MMP16: variants seen among roughly 807,000 people sequenced by gnomAD.
MMP16 encodes the protein matrix metalloproteinase-16.
A neutral mutation model predicts 67.8 loss-of-function variants in MMP16; 12 were observed. The observed-to-expected ratio is 0.18, with a 90% CI of 0.11 to 0.29. The LOEUF is 0.29. Ranked by LOEUF, MMP16 falls within the 10% of genes least tolerant of loss-of-function variation. The probability of loss-of-function intolerance (pLI) is 1.00; values close to 1 mark genes in which losing one functional copy is unlikely to be tolerated. For missense variants in MMP16, 475 were observed against 765.7 expected (o/e 0.62, Z 4.48); for synonymous variants, 249 against 255.9 (o/e 0.97, Z 0.26).
rs181494396 is a variant in MMP16, at chr8:88,092,498, T to C, written c.1084-17755A>G. Among the ~76,000 whole-genome samples the C allele has an allele frequency of 1.9e-3, 294 of 151,968 alleles. 2 individuals carry two copies. Among genetic ancestry groups the C allele is most frequent in the African/African-American group, 6.8e-3 (282 of 41,538 alleles). On this transcript the variant is annotated intron_variant, in intron 6 of 9. Transcript: ENST00000286614. ...TTAATGTCTCAAGTACTTATGTATA[T>C]TTATGTGATTTTTGACTGTCCTTTC...
intron 6 of MMP16, among the ~76,000 whole-genome samples, chr8:88,091,584 G>T (rs1808937810): frequency 6.6e-6 from 1 of 151,314 alleles, no homozygotes; most frequent in African/African-American, 2.4e-5. Context: ...CACACACACA[G>T]GTTTAAGATA....
At chr8:88,261,106 C>A (rs1017062269) in intron 1 of MMP16, among the ~76,000 whole-genome samples, 10 of 152,044 alleles carry the variant, frequency 6.6e-5, no homozygotes, top group African/African-American at 2.2e-4. Context: ...TGAAGATATG[C>A]CTCAAATATA....
intron 1 of MMP16, among the ~76,000 whole-genome samples, chr8:88,313,601 T>A (rs939649202): frequency 2.0e-5 from 3 of 152,226 alleles, no homozygotes; most frequent in African/African-American, 7.2e-5. Flanking sequence ...AGTTTATGTA[T>A]TTTCCATCAA....
chr8:88,127,287 C>T (rs1329138175), intron 4 of MMP16, among the ~76,000 whole-genome samples: 1 of 151,760 alleles, frequency 6.6e-6, no homozygotes, highest in African/African-American at 2.4e-5. Flanking sequence ...TATTGCTGTA[C>T]AGTAATTTGG....
intron 6 of MMP16, among the ~76,000 whole-genome samples, chr8:88,079,956 G>C (rs1435299164): frequency 1.3e-5 from 2 of 152,182 alleles, no homozygotes; most frequent in Non-Finnish European, 2.9e-5. Flanking sequence ...AAAGTGCCTA[G>C]TTTACGGTGT....
At chr8:88,070,427 C>A (rs1040588760) in intron 7 of MMP16, among the ~76,000 whole-genome samples, 1 of 152,246 alleles carries the variant, frequency 6.6e-6, no homozygotes, top group Middle Eastern at 3.4e-3. Context: ...GCAGCCGGTA[C>A]TATGGCCCTC....
At chr8:88,159,894 C>T (rs539690584) in intron 4 of MMP16, among the ~76,000 whole-genome samples, 68 of 150,898 alleles carry the variant, frequency 4.5e-4, no homozygotes, top group African/African-American at 1.5e-3. Context: ...GATAATCATG[C>T]GGTTTTCGTC....
At position 88,035,717 on chromosome 8, in the gene MMP16, T is replaced by G. The variant is rs552670031; in HGVS notation, c.*5744A>C. On this transcript the variant is annotated 3_prime_UTR_variant, in exon 10 of 10. Transcript: ENST00000286614. This position sits in a 1 kb window ranked among gnomAD's most constrained non-coding sequence, Gnocchi z 4.7. ...ATAATTGTGTTTAAAAATTGAAGAC[T>G]GCTATGTACTTCTGTATTCTACTCA... The G allele has an allele frequency of 6.6e-6, 1 of 152,128 alleles. No individual in the cohort carries two copies. Among genetic ancestry groups the G allele is most frequent in the African/African-American group, 2.4e-5 (1 of 41,562 alleles). The allele number at this position is 152,128 out of a possible 1,614,324, so 9.4% of individuals were successfully genotyped here.
chr8:88,155,467 C>T (rs992393633), intron 4 of MMP16, among the ~76,000 whole-genome samples: 1 of 151,842 alleles, frequency 6.6e-6, no homozygotes. Context: ...ATTAATTTTG[C>T]AGTGAATAAA....
At chr8:88,225,263 T>A (rs942495759) in intron 1 of MMP16, among the ~76,000 whole-genome samples, 1 of 151,974 alleles carries the variant, frequency 6.6e-6, no homozygotes, top group Non-Finnish European at 1.5e-5. Context: ...TTATTTCAAA[T>A]TAAAACTTAA....
At chr8:88,295,368 G>C (rs1810996332) in intron 1 of MMP16, among the ~76,000 whole-genome samples, 1 of 152,134 alleles carries the variant, frequency 6.6e-6, no homozygotes, top group African/African-American at 2.4e-5. Flanking sequence ...AAAAAGAGCA[G>C]AGAAAAACTC....
At chr8:88,211,448 G>A (rs1400019654) in intron 1 of MMP16, among the ~76,000 whole-genome samples, 13 of 152,134 alleles carry the variant, frequency 8.5e-5, no homozygotes, top group Non-Finnish European at 1.5e-5. Flanking sequence ...GGAGTTCATA[G>A]TTTAACCATC....
intron 7 of MMP16, among the ~76,000 whole-genome samples, chr8:88,070,179 G>C (rs1028436915): frequency 1.3e-5 from 2 of 151,892 alleles, no homozygotes; most frequent in Non-Finnish European, 2.9e-5. Flanking sequence ...TGATCTTTTG[G>C]GGTATGCAAG....
At chr8:88,128,727 T>A (rs1252253872) in intron 4 of MMP16, among the ~76,000 whole-genome samples, 1 of 151,804 alleles carries the variant, frequency 6.6e-6, no homozygotes, top group African/African-American at 2.4e-5. Context: ...CTAATCACAT[T>A]GATAGACCTC....
At chr8:88,179,749 G>A (rs1180730073) in intron 3 of MMP16, among the ~76,000 whole-genome samples, 1 of 152,098 alleles carries the variant, frequency 6.6e-6, no homozygotes, top group Non-Finnish European at 1.5e-5. Flanking sequence ...TTATGTGAAA[G>A]TAGACTTAGA....
intron 7 of MMP16, among the ~76,000 whole-genome samples, chr8:88,072,308 C>T (rs1259718592): frequency 6.6e-6 from 1 of 152,098 alleles, no homozygotes; most frequent in East Asian, 1.9e-4. Context: ...CACTCCTCTC[C>T]TGCCAGTCAT....
At chr8:88,102,252 C>T (rs186452583) in intron 6 of MMP16, among the ~76,000 whole-genome samples, 71 of 151,954 alleles carry the variant, frequency 4.7e-4, no homozygotes, top group African/African-American at 1.6e-3. Context: ...ACTCTGGACC[C>T]ACAGAACTTC....
chr8:88,035,637 T>A lies in MMP16; in HGVS notation c.*5824A>T, dbSNP rs984434766. The A allele has an allele frequency of 6.6e-6, 1 of 152,024 alleles. No individual in the cohort carries two copies. Among genetic ancestry groups the A allele is most frequent in the Non-Finnish European group, 1.5e-5 (1 of 67,922 alleles). 9.4% of individuals were successfully genotyped at this position (152,024 alleles called of 1,614,324 possible). A position where few individuals can be genotyped will look rare whatever the true frequency, so the allele number is the denominator to read the frequency against. On this transcript the variant is annotated 3_prime_UTR_variant, in exon 10 of 10. Coordinates refer to ENST00000286614, the MANE Select transcript of MMP16 (RefSeq NM_005941.5). The surrounding 1 kb of genome is among the most constrained non-coding windows in gnomAD (Gnocchi z 4.7). The stretch of plus-strand genomic sequence containing the variant: ...TGTGATCTTATATCCTTACTTAGTA[T>A]AAATAAATAATATTGTTCTAATAAA...
chr8:88,261,815 G>T (rs949047970), intron 1 of MMP16, among the ~76,000 whole-genome samples: 3 of 140,716 alleles, frequency 2.1e-5, no homozygotes, highest in African/African-American at 7.8e-5. Context: ...ATTTACTGAT[G>T]GAAGAGGATA....
Sources: gnomAD v4.1 joint callset for allele counts (sites outside exome capture counted in the v4.1 genomes callset) on GRCh38, gnomAD v4.1.1 for gene constraint, Gnocchi (gnomAD v3.1) non-coding constraint, MANE v1.5 for transcripts, NCBI Gene and HGNC (gene_info 2026-07-23, HGNC 2026-07-21) for gene names.